PAX5: variants seen among roughly 807,000 people sequenced by gnomAD.
The protein encoded by PAX5 is paired box protein Pax-5.
PAX5 carries 9 observed loss-of-function variants against 43.7 expected under a neutral mutation model. That is an observed-to-expected ratio of 0.21 (90% CI 0.12 to 0.36). PAX5 has a LOEUF of 0.36. PAX5 is among the 10% of genes least tolerant of loss of function. The pLI is 1.00. For missense variants in PAX5, 383 were observed against 532.7 expected (o/e 0.72, Z 2.77); for synonymous variants, 228 against 214.3 (o/e 1.06, Z -0.56).
At chr9:36,960,418 G>A (rs952496633) in intron 6 of PAX5, among the ~76,000 whole-genome samples, 1 of 152,100 alleles carries the variant, frequency 6.6e-6, no homozygotes, top group South Asian at 2.1e-4. Flanking sequence ...GAAAGGTCAG[G>A]CCTGGCCACA....
chr9:37,019,947 G>A (rs1839714013), intron 2 of PAX5, among the ~76,000 whole-genome samples: 1 of 152,140 alleles, frequency 6.6e-6, no homozygotes, highest in Non-Finnish European at 1.5e-5. Context: ...GTGCTTCATT[G>A]GATCATGCGG....
At chr9:36,986,347 C>A (rs999240010) in intron 5 of PAX5, among the ~76,000 whole-genome samples, 1 of 147,240 alleles carries the variant, frequency 6.8e-6, no homozygotes, top group South Asian at 2.1e-4. Flanking sequence ...CGCTGCGCCC[C>A]GGGCCCCGCC....
At chr9:36,962,772 A>G (rs1201097496) in intron 6 of PAX5, among the ~76,000 whole-genome samples, 1 of 152,226 alleles carries the variant, frequency 6.6e-6, no homozygotes, top group Non-Finnish European at 1.5e-5. Flanking sequence ...CGAAAGTGAC[A>G]GCAAGGCCCC....
chr9:36,996,308 T>C (rs758378323), intron 5 of PAX5, among the ~76,000 whole-genome samples: 16 of 152,266 alleles, frequency 1.1e-4, no homozygotes, highest in Non-Finnish European at 1.9e-4. Flanking sequence ...TTATTCTCAC[T>C]GTAACCCACA....
chr9:36,834,413 AGTGAGT>A lies in PAX5; in HGVS notation c.*6141_*6146del, dbSNP rs1432945244. 3 of 179,888 alleles carry A rather than the reference AGTGAGT, an allele frequency of 1.7e-5. No homozygotes were observed. The highest frequency in any genetic ancestry group is 6.9e-5 in the East Asian group (1 of 14,438). The allele number at this position is 179,888 out of a possible 1,614,324, so 11.1% of individuals were successfully genotyped here. On this transcript the variant is annotated 3_prime_UTR_variant, in exon 10 of 10. Transcript: ENST00000358127. Reference sequence around the variant, plus strand: ...AGTATGTCTGAGGTGTAGGGGAGTGAGTGAGTGTGTGTGTGTGTGTGTGTGTGTGTG... The same window carrying A: ...AGTATGTCTGAGGTGTAGGGGAGTGAGTGTGTGTGTGTGTGTGTGTGTGTG...
chr9:37,027,601 G>C (rs969221744), intron 1 of PAX5, among the ~76,000 whole-genome samples: 6 of 151,366 alleles, frequency 4.0e-5, no homozygotes, highest in African/African-American at 1.2e-4. Context: ...CTGACTGCCT[G>C]CGTTGCCGCC....
intron 6 of PAX5, among the ~76,000 whole-genome samples, chr9:36,934,731 T>C (rs1388331598): frequency 1.3e-5 from 2 of 152,240 alleles, no homozygotes; most frequent in African/African-American, 4.8e-5. Flanking sequence ...TGTGCCTCTC[T>C]CTGCCACAGC....
At chr9:36,990,551 T>G (rs1836841850) in intron 5 of PAX5, among the ~76,000 whole-genome samples, 1 of 152,234 alleles carries the variant, frequency 6.6e-6, no homozygotes. Context: ...GGGCAGACTA[T>G]TATTTGGACA....
chr9:36,853,949 T>G (rs992705509), intron 8 of PAX5, among the ~76,000 whole-genome samples: 8 of 152,212 alleles, frequency 5.3e-5, no homozygotes, highest in African/African-American at 1.9e-4. Flanking sequence ...ATGACGGGGA[T>G]TTGCAGAGCG....
intron 7 of PAX5, among the ~76,000 whole-genome samples, chr9:36,918,741 C>T (rs528846416): frequency 6.6e-6 from 1 of 152,290 alleles, no homozygotes; most frequent in East Asian, 1.9e-4. Context: ...GGCACTAACT[C>T]TCTTTAATTT....
chr9:37,003,170 A>AAAAAAAAC, intron 4 of PAX5, among the ~76,000 whole-genome samples: 1 of 146,908 alleles, frequency 6.8e-6, no homozygotes, highest in South Asian at 2.5e-4. Context: ...AAAAAAAAAA[A>AAAAAAAAC]AAAAAAAAAA....
At chr9:37,007,576 G>C (rs1838539266) in intron 3 of PAX5, 1 of 152,194 alleles carries the variant, frequency 6.6e-6, no homozygotes, top group Non-Finnish European at 1.5e-5. Context: ...CTACCAGAAA[G>C]CTCCTTCCTT....
At chr9:36,940,907 G>A (rs1831996694) in intron 6 of PAX5, among the ~76,000 whole-genome samples, 1 of 152,202 alleles carries the variant, frequency 6.6e-6, no homozygotes, top group African/African-American at 2.4e-5. Context: ...AAGATTACGG[G>A]TCCAGGTAGA....
chr9:36,945,471 G>GT (rs1310031488), intron 6 of PAX5, among the ~76,000 whole-genome samples: 1 of 152,184 alleles, frequency 6.6e-6, no homozygotes. Flanking sequence ...AAACTCCTGG[G>GT]TTCAAGTGAT....
intron 5 of PAX5, among the ~76,000 whole-genome samples, chr9:36,994,074 C>A (rs184116048): frequency 2.2e-3 from 335 of 152,274 alleles, no homozygotes; most frequent in Admixed American, 4.6e-3. Flanking sequence ...GAGGAGGAAC[C>A]GAAACCTGAG....
chr9:36,938,995 A>G (rs1353011370), intron 6 of PAX5, among the ~76,000 whole-genome samples: 1 of 152,172 alleles, frequency 6.6e-6, no homozygotes, highest in African/African-American at 2.4e-5. Context: ...TTCTCTCCCC[A>G]TTAATTTTAT....
chr9:37,031,214 A>C (rs537662152), intron 1 of PAX5, among the ~76,000 whole-genome samples: 4 of 152,306 alleles, frequency 2.6e-5, no homozygotes, highest in Admixed American at 1.3e-4. Context: ...TGTTATCATT[A>C]CCAGCATGTC....
At chr9:36,867,843 G>T (rs1825046713) in intron 8 of PAX5, among the ~76,000 whole-genome samples, 1 of 152,000 alleles carries the variant, frequency 6.6e-6, no homozygotes, top group African/African-American at 2.4e-5. Context: ...AAATTCATTT[G>T]TTCAGGGTCA....
intron 8 of PAX5, among the ~76,000 whole-genome samples, chr9:36,880,207 C>A (rs1197740386): frequency 6.6e-6 from 1 of 152,264 alleles, no homozygotes; most frequent in Non-Finnish European, 1.5e-5. Context: ...TAAGATCCGT[C>A]CTGCTGAGCT....
Sources: gnomAD v4.1 joint callset for allele counts (sites outside exome capture counted in the v4.1 genomes callset) on GRCh38, gnomAD v4.1.1 for gene constraint, MANE v1.5 for transcripts, NCBI Gene and HGNC (gene_info 2026-07-23, HGNC 2026-07-21) for gene names.